TBC1D22B: variants seen among roughly 807,000 people sequenced by gnomAD.
TBC1D22B encodes TBC1 domain family member 22B.
Under a neutral mutation model 69.1 loss-of-function variants are expected in TBC1D22B, and 32 were observed. The ratio of observed to expected loss-of-function variants is 0.46; its 90% confidence interval spans 0.35 to 0.62. The LOEUF is 0.62. TBC1D22B is among the 20% of genes least tolerant of loss of function. The probability of loss-of-function intolerance (pLI) is 0.00; values close to 1 mark genes in which losing one functional copy is unlikely to be tolerated. For synonymous variants in TBC1D22B, 206 were observed against 229.8 expected, an observed-to-expected ratio of 0.90 and a Z score of 0.94; for missense variants, 462 against 630.9, an observed-to-expected ratio of 0.73 and a Z score of 2.87.
intron 8 of TBC1D22B, among the ~76,000 whole-genome samples, chr6:37,292,014 T>C (rs1345237941): frequency 6.6e-6 from 1 of 152,224 alleles, no homozygotes; most frequent in Non-Finnish European, 1.5e-5. Context: ...TTGGTTTCCT[T>C]AATCACTTGT....
At chr6:37,296,423 C>T (rs1767372620) in intron 8 of TBC1D22B, among the ~76,000 whole-genome samples, 1 of 152,182 alleles carries the variant, frequency 6.6e-6, no homozygotes, top group Admixed American at 6.5e-5. Context: ...GATCATGGCT[C>T]ATTGTAGCCT....
intron 12 of TBC1D22B, among the ~76,000 whole-genome samples, chr6:37,320,471 A>T (rs1413518529): frequency 1.3e-5 from 2 of 152,206 alleles, no homozygotes; most frequent in South Asian, 2.1e-4. Context: ...TGAGCTTATT[A>T]TCATTAATAT....
intron 2 of TBC1D22B, among the ~76,000 whole-genome samples, chr6:37,274,470 T>C (rs1478236847): frequency 1.3e-5 from 2 of 152,224 alleles, no homozygotes; most frequent in African/African-American, 4.8e-5. Flanking sequence ...GTGCCATTTA[T>C]TAGGTTTTTG....
intron 1 of TBC1D22B, among the ~76,000 whole-genome samples, chr6:37,260,805 AGTAT>A (rs1398049598): frequency 1.3e-5 from 2 of 152,228 alleles, no homozygotes; most frequent in African/African-American, 4.8e-5. Context: ...TCCACGCTGT[AGTAT>A]GTATCAGTAC....
chr6:37,313,496 A>G lies in TBC1D22B; in HGVS notation c.1090-320A>G, dbSNP rs1767987487. 2.6e-5 allele frequency among the ~76,000 whole-genome samples: 4 copies of G among 151,990 alleles called. No homozygotes were observed. In the South Asian group the frequency reaches 8.3e-4, roughly 32 times the overall value. On this transcript the variant is annotated intron_variant, in intron 9 of 12. Transcript: ENST00000373491. ...TAGAGTGAGACCCTATCTCAAAAAA[A>G]AAAAAAACAAAACAGTGATGGTGTA...
intron 5 of TBC1D22B, among the ~76,000 whole-genome samples, chr6:37,283,599 C>T (rs1241456139): frequency 6.6e-6 from 1 of 152,252 alleles, no homozygotes; most frequent in African/African-American, 2.4e-5. Context: ...GGTCTGTCTC[C>T]TGACTGCTCG....
chr6:37,278,859 G>T (rs1766740525), intron 2 of TBC1D22B, among the ~76,000 whole-genome samples: 1 of 152,036 alleles, frequency 6.6e-6, no homozygotes, highest in Non-Finnish European at 1.5e-5. Context: ...CTTGAGCCCA[G>T]GAGGTCAAGG....
chr6:37,313,984 C>T (rs1758825449), intron 10 of TBC1D22B, 93 bp downstream of exon 10: 1 of 1,178,466 alleles, frequency 8.5e-7, no homozygotes, highest in Admixed American at 1.8e-5. Flanking sequence ...CAGCTGTCTT[C>T]CTAGCCATGA....
At chr6:37,309,831 G>T (rs1767848034) in intron 8 of TBC1D22B, among the ~76,000 whole-genome samples, 1 of 151,838 alleles carries the variant, frequency 6.6e-6, no homozygotes, top group South Asian at 2.1e-4. Context: ...TGAACTAGAG[G>T]TATGTACAGG....
intron 12 of TBC1D22B, among the ~76,000 whole-genome samples, chr6:37,326,608 A>G (rs370647489): frequency 1.3e-3 from 199 of 152,180 alleles, no homozygotes; most frequent in African/African-American, 4.6e-3. Context: ...CTTAACGGTG[A>G]AACCCCGTCT....
In TBC1D22B at chr6:37,291,293, G is replaced by C; in HGVS notation, c.918G>C (p.Gly306=). The C allele has an allele frequency of 6.2e-7, 1 of 1,613,936 alleles. No individual in the cohort carries two copies. Among genetic ancestry groups the C allele is most frequent in the Non-Finnish European group, 8.5e-7 (1 of 1,179,930 alleles). Residue 306 remains glycine (G), a synonymous_variant, in exon 8 of 13, where the codon GGG becomes GGC. Coordinates refer to ENST00000373491, the MANE Select transcript of TBC1D22B (RefSeq NM_017772.4). ...GGGCCATCCGCCACCCTGCCAGTGG[G>C]TATGTCCAGGGAATTAATGACCTGG... The part of the protein sequence containing the change: ...FIWAIRHPAS[G]YVQGINDLVT...
chr6:37,311,711 T>G (rs1767917350), intron 8 of TBC1D22B, among the ~76,000 whole-genome samples: 1 of 152,120 alleles, frequency 6.6e-6, no homozygotes, highest in African/African-American at 2.4e-5. Context: ...AAGGCTAGAT[T>G]CTGAATACAT....
At chr6:37,258,387 T>G (rs1398776270) in intron 1 of TBC1D22B, among the ~76,000 whole-genome samples, 1 of 152,256 alleles carries the variant, frequency 6.6e-6, no homozygotes, top group Non-Finnish European at 1.5e-5. Flanking sequence ...CCCCTTCCCT[T>G]GATCCCTGAG....
chr6:37,278,084 A>G (rs923703801), intron 2 of TBC1D22B, among the ~76,000 whole-genome samples: 2 of 152,098 alleles, frequency 1.3e-5, no homozygotes, highest in Admixed American at 6.5e-5. Context: ...AGATTTCTCT[A>G]CTGCACTCCA....
chr6:37,314,725 C>T (rs961643878), intron 10 of TBC1D22B, among the ~76,000 whole-genome samples: 2 of 152,192 alleles, frequency 1.3e-5, no homozygotes, highest in Non-Finnish European at 1.5e-5. Flanking sequence ...CTTTCCTACT[C>T]ATTGGATTTT....
intron 3 of TBC1D22B, 77 bp downstream of exon 3, chr6:37,279,688 G>T: frequency 1.4e-6 from 2 of 1,435,646 alleles, no homozygotes; most frequent in Non-Finnish European, 1.9e-6. Context: ...TTTTTCTTTG[G>T]GGCCTCACTC....
chr6:37,269,849 T>C (rs1241781611), intron 2 of TBC1D22B, among the ~76,000 whole-genome samples, 199 bp downstream of exon 2: 3 of 152,190 alleles, frequency 2.0e-5, no homozygotes, highest in African/African-American at 7.2e-5. Context: ...AGATTTTGTG[T>C]TTTCCTATAT....
intron 12 of TBC1D22B, among the ~76,000 whole-genome samples, chr6:37,328,329 T>A (rs1696227672): frequency 6.6e-6 from 1 of 151,808 alleles, no homozygotes; most frequent in Non-Finnish European, 1.5e-5. Context: ...GATAGATAGA[T>A]AAAAATAAAA....
chr6:37,276,257 G>A (rs2113731069), intron 2 of TBC1D22B, among the ~76,000 whole-genome samples: 2 of 152,248 alleles, frequency 1.3e-5, no homozygotes, highest in Admixed American at 1.3e-4. Flanking sequence ...GAGCTACCAT[G>A]CCCAGCCTTC....
Sources: allele counts gnomAD v4.1 joint callset (sites outside exome capture counted in the v4.1 genomes callset), GRCh38; gene constraint gnomAD v4.1.1; transcripts MANE v1.5; gene names NCBI Gene and HGNC (gene_info 2026-07-23, HGNC 2026-07-21).